PIP5K1C: variants seen among roughly 807,000 people sequenced by gnomAD.
PIP5K1C encodes the protein phosphatidylinositol 4-phosphate 5-kinase type-1 gamma.
Under a neutral mutation model 80.1 loss-of-function variants are expected in PIP5K1C, and 45 were observed. The observed-to-expected ratio is 0.56, with a 90% CI of 0.44 to 0.72. The LOEUF (loss-of-function observed/expected upper bound fraction) is 0.72, where lower values mean the gene tolerates loss of function less well. Among genes scored for constraint, PIP5K1C ranks in the 30% least tolerant of loss-of-function variants. The probability of loss-of-function intolerance (pLI) is 0.00; values close to 1 mark genes in which losing one functional copy is unlikely to be tolerated. For missense variants in PIP5K1C, 753 were observed against 954.6 expected (o/e 0.79, Z 2.78); for synonymous variants, 498 against 420.1 (o/e 1.19, Z -2.27).
chr19:3,636,218 G>A lies in PIP5K1C; in HGVS notation c.1920+2666C>T, dbSNP rs528346966. Among the ~76,000 whole-genome samples the A allele has an allele frequency of 2.6e-4, 40 of 152,258 alleles. No individual in the cohort carries two copies. In the East Asian group the frequency reaches 4.2e-3, roughly 16 times the overall value. On this transcript the variant is annotated intron_variant, in intron 16 of 17. Coordinates refer to ENST00000335312, the MANE Select transcript of PIP5K1C (RefSeq NM_012398.3). ...TTCCTTGTCCTGCAGGAGTTGGGGG[G>A]ACAGAGAGGGACACCCTCAGCCAGC...
At chr19:3,646,908 G>T (rs887531853) in intron 10 of PIP5K1C, among the ~76,000 whole-genome samples, 1 of 151,968 alleles carries the variant, frequency 6.6e-6, no homozygotes, top group Non-Finnish European at 1.5e-5. Context: ...AGGACAGAGG[G>T]AGGAAGGATG....
rs1016553790 is a variant in PIP5K1C, at chr19:3,632,982, G to A, written c.*185C>T. The A allele has an allele frequency of 1.7e-5, 9 of 524,732 alleles. No homozygotes were observed. Among genetic ancestry groups the A allele is most frequent in the African/African-American group, 1.0e-4 (5 of 49,740 alleles). The allele number at this position is 524,732 out of a possible 1,614,324, so 32.5% of individuals were successfully genotyped here. ...GGGGCAGGCTGCCGACCGGGGTGCCGGGGCCCTGGGAGGCTTGTCGGGGAG... is the reference window on the plus strand; with the variant it reads ...GGGGCAGGCTGCCGACCGGGGTGCCAGGGCCCTGGGAGGCTTGTCGGGGAG... On this transcript the variant is annotated 3_prime_UTR_variant, in exon 18 of 18. Transcript: ENST00000335312.
At chr19:3,671,962 G>A (rs142344998) in intron 1 of PIP5K1C, among the ~76,000 whole-genome samples, 1 of 152,362 alleles carries the variant, frequency 6.6e-6, no homozygotes, top group Non-Finnish European at 1.5e-5. Flanking sequence ...GAGCCGCGCT[G>A]CGGAGCCGGG....
chr19:3,678,561 G>GGCA (rs2035481528), intron 1 of PIP5K1C, among the ~76,000 whole-genome samples: 1 of 109,668 alleles, frequency 9.1e-6, no homozygotes, highest in East Asian at 3.0e-4. Context: ...GATGGAAGGA[G>GGCA]GGATGGAGGG....
intron 6 of PIP5K1C, among the ~76,000 whole-genome samples, chr19:3,654,476 C>T (rs890026018): frequency 2.0e-5 from 3 of 152,198 alleles, no homozygotes; most frequent in Non-Finnish European, 4.4e-5. Context: ...CCGGCCACCA[C>T]CTATTTTTGT....
chr19:3,639,131 C>A (rs1214469481), intron 15 of PIP5K1C, 115 bp from the exon 16 acceptor site: 2 of 1,300,366 alleles, frequency 1.5e-6, no homozygotes, highest in East Asian at 4.8e-5. Flanking sequence ...AGATGAAAAG[C>A]CAGGCAGCTG....
chr19:3,647,447 A>G lies in PIP5K1C; in HGVS notation c.1212-61T>C, dbSNP rs2034279405. ...AGCCAAGCCCATGCCAGGCCACCTC[A>G]CTCAGGGGCCACTGTGCACCCCCCA... is the stretch of plus-strand genomic sequence containing the variant. On this transcript the variant is annotated intron_variant, in intron 9 of 17. Coordinates refer to ENST00000335312, the MANE Select transcript of PIP5K1C (RefSeq NM_012398.3). The G allele has an allele frequency of 2.9e-6, 4 of 1,386,308 alleles. No homozygotes were observed. In the African/African-American group the frequency reaches 4.3e-5, roughly 15 times the overall value. The allele number at this position is 1,386,308 out of a possible 1,614,324, so 85.9% of individuals were successfully genotyped here.
chr19:3,642,885 A>C (rs1423476662), intron 14 of PIP5K1C, 22 bp downstream of exon 14: 1 of 1,606,658 alleles, frequency 6.2e-7, no homozygotes, highest in Non-Finnish European at 8.5e-7. Context: ...AGACCCAGGG[A>C]AGGAAGGGGG....
intron 1 of PIP5K1C, among the ~76,000 whole-genome samples, chr19:3,675,172 G>A (rs531937285): frequency 6.6e-6 from 1 of 152,336 alleles, no homozygotes; most frequent in Admixed American, 6.5e-5. Flanking sequence ...GGCAGTGACT[G>A]AACAACTCTG....
intron 15 of PIP5K1C, among the ~76,000 whole-genome samples, chr19:3,640,339 C>A (rs953962167): frequency 2.0e-5 from 3 of 152,072 alleles, no homozygotes; most frequent in African/African-American, 4.8e-5. Context: ...CATGGTGAAA[C>A]CCCATCTCTA....
At chr19:3,645,087 C>G (rs958390956) in intron 11 of PIP5K1C, among the ~76,000 whole-genome samples, 3 of 152,224 alleles carry the variant, frequency 2.0e-5, no homozygotes, top group African/African-American at 7.2e-5. Flanking sequence ...GAGGGGGTCC[C>G]TGACCTCGAG....
intron 1 of PIP5K1C, among the ~76,000 whole-genome samples, chr19:3,680,099 C>CCCTTCAGGGTA (rs1305976975): frequency 1.3e-5 from 2 of 152,240 alleles, no homozygotes; most frequent in African/African-American, 4.8e-5. Flanking sequence ...GAAGTGACTA[C>CCCTTCAGGGTA]AGGCTAGTTC....
chr19:3,657,497 C>A (rs1302196696), intron 5 of PIP5K1C, among the ~76,000 whole-genome samples: 2 of 152,142 alleles, frequency 1.3e-5, no homozygotes, highest in African/African-American at 2.4e-5. Flanking sequence ...CAAGCCAGGC[C>A]CCCCAGGGTC....
rs764917380 is a variant in PIP5K1C at position 3,664,886 on chromosome 19, G to A, written c.155C>T (p.Pro52Leu). ...ATGGCCCAACTTCTTCCCATGGCCA[G>A]GGCCCGGCTGTGCCGTCATGGACAG... The part of the protein sequence containing the change: ...EVLSMTAQPG[P>L]GHGKKLGHRG... The change falls in exon 3 of 18, where the codon CCT becomes CTT. Residue 52 changes from proline to leucine, a missense_variant. Around this residue, in one of 6 missense-constraint regions of PIP5K1C, gnomAD observed 139 missense variants for 289.7 expected, o/e 0.48. Transcript: ENST00000335312. The A allele has an allele frequency of 6.2e-7, 1 of 1,613,218 alleles. No individual in the cohort carries two copies. The highest frequency in any genetic ancestry group is 1.1e-5 in the South Asian group (1 of 91,086).
At chr19:3,651,498 G>T (rs939607535) in intron 8 of PIP5K1C, among the ~76,000 whole-genome samples, 6 of 152,236 alleles carry the variant, frequency 3.9e-5, no homozygotes, top group African/African-American at 1.4e-4. Flanking sequence ...CTGCACGGGT[G>T]GCGTGTAGAC....
intron 6 of PIP5K1C, among the ~76,000 whole-genome samples, chr19:3,654,819 A>G (rs1292990124): frequency 2.2e-5 from 3 of 135,756 alleles, no homozygotes; most frequent in African/African-American, 8.7e-5. Context: ...ATCTCAAAAG[A>G]AAAAAAAAAA....
intron 8 of PIP5K1C, among the ~76,000 whole-genome samples, chr19:3,651,559 G>A (rs956660695): frequency 1.7e-4 from 26 of 152,178 alleles, no homozygotes; most frequent in African/African-American, 5.1e-4. Context: ...CCTGTGGATG[G>A]CCAGTGGCCT....
chr19:3,636,534 C>T, intron 16 of PIP5K1C: 3 of 985,560 alleles, frequency 3.0e-6, no homozygotes, highest in Non-Finnish European at 3.6e-6. Flanking sequence ...GGGTGGCCAG[C>T]AGGGCCGCTG....
chr19:3,651,074 AGACAGG>A (rs2034428748), intron 8 of PIP5K1C, among the ~76,000 whole-genome samples: 1 of 65,808 alleles, frequency 1.5e-5, no homozygotes, highest in Non-Finnish European at 3.1e-5. Context: ...TTTTTTTTTA[AGACAGG>A]GTCTCACTCT....
Sources: gnomAD v4.1 joint callset for allele counts (sites outside exome capture counted in the v4.1 genomes callset) on GRCh38, gnomAD v4.1.1 for gene constraint, gnomAD v4.1.1 regional missense constraint, MANE v1.5 for transcripts, NCBI Gene and HGNC (gene_info 2026-07-23, HGNC 2026-07-21) for gene names.